Variants in STXBP6 observed in about 807,000 individuals in gnomAD.
The protein encoded by STXBP6 is syntaxin-binding protein 6.
In STXBP6, 21 loss-of-function variants were observed where a neutral mutation model predicts 26.9. The observed-to-expected ratio is 0.78, with a 90% CI of 0.55 to 1.12. The LOEUF (loss-of-function observed/expected upper bound fraction) is 1.12. STXBP6 is among the 50% of genes most tolerant of loss of function. STXBP6 has a pLI of 0.00. For missense variants in STXBP6, 232 were observed against 257.9 expected, an observed-to-expected ratio of 0.90 and a Z score of 0.69; for synonymous variants, 97 against 92.6, an observed-to-expected ratio of 1.05 and a Z score of -0.27.
At chr14:24,906,618 C>G (rs7154597) in intron 2 of STXBP6, among the ~76,000 whole-genome samples, 25,703 of 152,004 alleles carry the variant, frequency 0.17, 2,564 homozygotes, top group African/African-American at 0.28. Flanking sequence ...CCTGAGAATG[C>G]GACATGCATA....
intron 2 of STXBP6, among the ~76,000 whole-genome samples, chr14:24,957,032 G>T (rs1030699885): frequency 6.6e-6 from 1 of 152,138 alleles, no homozygotes; most frequent in Non-Finnish European, 1.5e-5. Flanking sequence ...CTACCAACCA[G>T]CAATTACTGA....
chr14:24,974,146 C>A (rs1366681004), intron 2 of STXBP6, among the ~76,000 whole-genome samples: 1 of 152,022 alleles, frequency 6.6e-6, no homozygotes, highest in East Asian at 1.9e-4. Context: ...AAACAGATGC[C>A]TCTTCTTGAC....
At chr14:24,996,864 C>CAAAAAAA (rs753413417) in intron 1 of STXBP6, among the ~76,000 whole-genome samples, 4 of 60,880 alleles carry the variant, frequency 6.6e-5, no homozygotes, top group Non-Finnish European at 1.2e-4. Context: ...AACTCTGTCT[C>CAAAAAAA]AAAAAAAAAA....
chr14:24,979,319 A>G (rs1429648398), intron 1 of STXBP6, among the ~76,000 whole-genome samples: 2 of 152,208 alleles, frequency 1.3e-5, no homozygotes, highest in East Asian at 3.8e-4. Context: ...TCAGTCTCAT[A>G]AGCTAGTTAA....
chr14:25,026,489 T>C (rs1359049319), intron 1 of STXBP6, among the ~76,000 whole-genome samples: 1 of 152,186 alleles, frequency 6.6e-6, no homozygotes, highest in African/African-American at 2.4e-5. Context: ...AACACGGTAA[T>C]ACTGCTGCAG....
chr14:24,814,056 C>T (rs2067898852), intron 5 of STXBP6, among the ~76,000 whole-genome samples: 1 of 152,164 alleles, frequency 6.6e-6, no homozygotes, highest in Non-Finnish European at 1.5e-5. Flanking sequence ...AAGACCTCCA[C>T]AGATCTTCTG....
chr14:24,986,117 G>C (rs73595325), intron 1 of STXBP6, among the ~76,000 whole-genome samples: 7,034 of 152,234 alleles, frequency 0.046, 597 homozygotes, highest in African/African-American at 0.16. Context: ...AATCACAGTG[G>C]GGACTCTTCT....
At chr14:24,965,705 TAC>T (rs1187529073) in intron 2 of STXBP6, among the ~76,000 whole-genome samples, 2 of 152,188 alleles carry the variant, frequency 1.3e-5, no homozygotes, top group Non-Finnish European at 2.9e-5. Flanking sequence ...GAAGAGCTAG[TAC>T]AGTCAGCGTT....
At chr14:25,005,081 T>G (rs2074859102) in intron 1 of STXBP6, among the ~76,000 whole-genome samples, 1 of 152,024 alleles carries the variant, frequency 6.6e-6, no homozygotes, top group South Asian at 2.1e-4. Flanking sequence ...AGACACAATC[T>G]CAGTGAAATC....
intron 2 of STXBP6, among the ~76,000 whole-genome samples, chr14:24,911,451 G>C (rs1443263540): frequency 6.6e-6 from 1 of 151,848 alleles, no homozygotes; most frequent in African/African-American, 2.4e-5. Flanking sequence ...AACCAAGCAG[G>C]AGGATGTCCA....
chr14:24,895,065 T>C (rs539769940), intron 2 of STXBP6, among the ~76,000 whole-genome samples: 51 of 152,312 alleles, frequency 3.3e-4, no homozygotes, highest in Non-Finnish European at 4.9e-4. Context: ...AATATCTCTA[T>C]TTTTATCTCA....
chr14:24,951,986 G>A (rs1000339394), intron 2 of STXBP6, among the ~76,000 whole-genome samples: 1 of 151,262 alleles, frequency 6.6e-6, no homozygotes, highest in Non-Finnish European at 1.5e-5. Context: ...TGTGATACTG[G>A]TATTTTGATT....
chr14:24,818,734 G>A (rs2068052788), intron 5 of STXBP6, among the ~76,000 whole-genome samples: 1 of 152,118 alleles, frequency 6.6e-6, no homozygotes, highest in African/African-American at 2.4e-5. Flanking sequence ...CCCCTGTTCT[G>A]TGCCTCGATA....
chr14:24,974,851 C>A lies in STXBP6; in HGVS notation c.-32-1G>T. ...CAAGTGAGGACAGCACGCAGTGAAT[C>A]TTTTAAAGAAGGAAAAGAAAGGAAA... On this transcript the variant is annotated splice_acceptor_variant, in intron 1 of 5. Coordinates refer to ENST00000323944, the MANE Select transcript of STXBP6 (RefSeq NM_001394410.1). LOFTEE classifies it low-confidence loss of function (5UTR_SPLICE). The A allele has an allele frequency of 6.6e-7, 1 of 1,520,430 alleles. No individual in the cohort carries two copies. The highest frequency in any genetic ancestry group is 1.3e-5 in the South Asian group (1 of 76,166). The allele number at this position is 1,520,430 out of a possible 1,614,324, so 94.2% of individuals were successfully genotyped here.
chr14:24,914,431 T>A (rs1315527513), intron 2 of STXBP6, among the ~76,000 whole-genome samples: 1 of 152,208 alleles, frequency 6.6e-6, no homozygotes, highest in Non-Finnish European at 1.5e-5. Flanking sequence ...CTGGCTACTG[T>A]AATAATTTAT....
chr14:24,826,560 A>G (rs1010591081), intron 4 of STXBP6, among the ~76,000 whole-genome samples: 3 of 152,044 alleles, frequency 2.0e-5, no homozygotes, highest in Non-Finnish European at 4.4e-5. Flanking sequence ...CTTCCAGTGG[A>G]CCACCTCACC....
intron 2 of STXBP6, among the ~76,000 whole-genome samples, chr14:24,892,136 C>A (rs974719520): frequency 2.6e-5 from 4 of 152,076 alleles, no homozygotes; most frequent in Non-Finnish European, 5.9e-5. Context: ...GTCTGTCTTG[C>A]TCCCCCATGT....
chr14:24,934,439 G>C (rs2072526389), intron 2 of STXBP6, among the ~76,000 whole-genome samples: 1 of 152,132 alleles, frequency 6.6e-6, no homozygotes, highest in Non-Finnish European at 1.5e-5. Flanking sequence ...CAACATTCTT[G>C]TTCAAAGTAT....
chr14:24,899,961 T>A (rs888422296), intron 2 of STXBP6, among the ~76,000 whole-genome samples: 1 of 151,988 alleles, frequency 6.6e-6, no homozygotes, highest in Non-Finnish European at 1.5e-5. Flanking sequence ...TAGTACCAAC[T>A]CCCATAAAGA....
Sources: allele counts gnomAD v4.1 joint callset (sites outside exome capture counted in the v4.1 genomes callset), GRCh38; gene constraint gnomAD v4.1.1; transcripts MANE v1.5; gene names NCBI Gene and HGNC (gene_info 2026-07-23, HGNC 2026-07-21).